Variants in DEFB123 observed in about 807,000 individuals in gnomAD.
The protein encoded by DEFB123 is beta-defensin 123.
For synonymous variants in DEFB123, 22 were observed against 28.3 expected, an observed-to-expected ratio of 0.78 and a Z score of 0.71; for missense variants, 71 against 75.0, an observed-to-expected ratio of 0.95 and a Z score of 0.20.
intron 1 of DEFB123, among the ~76,000 whole-genome samples, chr20:31,445,628 C>T (rs113312880): frequency 0.081 from 12,275 of 152,236 alleles, 596 homozygotes; most frequent in Non-Finnish European, 0.11. Flanking sequence ...CAACCTCCAC[C>T]TCCCAGGTTC....
intron 1 of DEFB123, among the ~76,000 whole-genome samples, chr20:31,441,933 A>G (rs1979474157): frequency 6.6e-6 from 1 of 152,246 alleles, no homozygotes; most frequent in Non-Finnish European, 1.5e-5. Context: ...GTGTAATAAT[A>G]TCAGGTTGAG....
intron 1 of DEFB123, among the ~76,000 whole-genome samples, chr20:31,441,788 C>T (rs2122408771): frequency 6.6e-6 from 1 of 152,258 alleles, no homozygotes; most frequent in East Asian, 1.9e-4. Context: ...ACACCACTCA[C>T]CTGGAGTAGG....
chr20:31,449,249 A>T, intron 1 of DEFB123, among the ~76,000 whole-genome samples: 1 of 148,148 alleles, frequency 6.8e-6, no homozygotes. Context: ...TTACACTTTC[A>T]GTTTCTGTAT....
At chr20:31,447,616 G>T (rs1025127824) in intron 1 of DEFB123, among the ~76,000 whole-genome samples, 39 of 144,736 alleles carry the variant, frequency 2.7e-4, no homozygotes, top group Admixed American at 1.1e-3. Flanking sequence ...TTCTGTGTTG[G>T]TTTTTTTTTT....
intron 1 of DEFB123, among the ~76,000 whole-genome samples, chr20:31,441,575 C>T (rs1252700117): frequency 6.6e-6 from 1 of 151,984 alleles, no homozygotes; most frequent in Non-Finnish European, 1.5e-5. Context: ...GGTGAGGGAC[C>T]CATGGGAAGG....
Position 31,440,644 on chromosome 20 carries a change from C to T in DEFB123, c.-55C>T. On this transcript the variant is annotated 5_prime_UTR_variant, in exon 1 of 2. Transcript: ENST00000376309. ...CCACAGGCCAGGCACTCTCCTTCTC[C>T]CATTAGCTCAGCCGTGGCATCGGAC... The T allele has an allele frequency of 6.2e-7, 1 of 1,607,580 alleles. No individual in the cohort carries two copies. The highest frequency in any genetic ancestry group is 2.2e-5 in the East Asian group (1 of 44,854).
In DEFB123 at chr20:31,440,718, C is replaced by T; in HGVS notation, c.20C>T (p.Thr7Ile). 6.2e-7 allele frequency: 1 copy of T among 1,613,824 alleles called. No individual in the cohort carries two copies. Among genetic ancestry groups the T allele is most frequent in the Non-Finnish European group, 8.5e-7 (1 of 1,180,022 alleles). The change falls in exon 1 of 2, where the codon ACT becomes ATT. Residue 7 changes from threonine to isoleucine, a missense_variant. Thr to Ile is a moderately conservative substitution (Grantham distance 89, BLOSUM62 -1). Transcript: ENST00000376309. ...TTAGCCATGAAGCTCCTTTTGCTGA[C>T]TTTGACTGTGCTGCTGCTCTTATCC... Reference protein sequence around the residue: MKLLLLTLTVLLLLSQL... With the variant: MKLLLLILTVLLLLSQL...
chr20:31,447,669 T>G (rs1256206834), intron 1 of DEFB123, among the ~76,000 whole-genome samples: 1 of 151,396 alleles, frequency 6.6e-6, no homozygotes, highest in Non-Finnish European at 1.5e-5. Context: ...TAGGGTAGAG[T>G]GCAGTGGCGT....
At chr20:31,440,789 C>T (rs1337526246) in intron 1 of DEFB123, 33 bp downstream of exon 1, 11 of 1,610,934 alleles carry the variant, frequency 6.8e-6, no homozygotes, top group Non-Finnish European at 8.5e-7. Context: ...AGGGGCAGGG[C>T]TTAGAGACTA....
At chr20:31,449,931 C>A (rs149569941) in intron 1 of DEFB123, 98 bp from the exon 2 acceptor site, 8 of 1,393,502 alleles carry the variant, frequency 5.7e-6, no homozygotes, top group Middle Eastern at 1.9e-4. Context: ...AACAAGGGAC[C>A]TTCTATCTCA....
rs559776533 is a variant in DEFB123, at chr20:31,443,255, T to C, written c.58+2499T>C. Among the ~76,000 whole-genome samples the C allele has an allele frequency of 6.0e-4, 91 of 152,226 alleles. 1 individual carries two copies. In the South Asian group the frequency reaches 0.016, roughly 27 times the overall value. On this transcript the variant is annotated intron_variant, in intron 1 of 1. Coordinates refer to ENST00000376309, the MANE Select transcript of DEFB123 (RefSeq NM_153324.4). Reference sequence around the variant, plus strand: ...CCCCAAGTTAAGGCTGTTCACACCCTCCCTTACTGCCTTCTGCACTAGGGG... The same window carrying C: ...CCCCAAGTTAAGGCTGTTCACACCCCCCCTTACTGCCTTCTGCACTAGGGG...
At chr20:31,441,592 CAGAG>C (rs905939994) in intron 1 of DEFB123, among the ~76,000 whole-genome samples, 2 of 152,100 alleles carry the variant, frequency 1.3e-5, no homozygotes, top group African/African-American at 4.8e-5. Flanking sequence ...AAGGTTTAAA[CAGAG>C]AAAGACCCTG....
intron 1 of DEFB123, among the ~76,000 whole-genome samples, chr20:31,445,912 T>A (rs531243210): frequency 6.6e-6 from 1 of 152,362 alleles, no homozygotes; most frequent in East Asian, 1.9e-4. Context: ...TTCATTACGA[T>A]CTTTATGCTT....
chr20:31,444,336 ATACTC>A (rs1340385180), intron 1 of DEFB123, among the ~76,000 whole-genome samples: 4 of 149,250 alleles, frequency 2.7e-5, no homozygotes, highest in Non-Finnish European at 5.9e-5. Context: ...AATTTTTATC[ATACTC>A]TAGTTAATCA....
chr20:31,447,776 C>T (rs1268203765), intron 1 of DEFB123, among the ~76,000 whole-genome samples: 1 of 132,372 alleles, frequency 7.6e-6, no homozygotes, highest in South Asian at 2.4e-4. Flanking sequence ...ACCAACACAC[C>T]CGGCTTTTTT....
chr20:31,450,188 T>C lies in DEFB123; in HGVS notation c.*14T>C. ...TGGCCATTTTAACTGCTTTGAAGCCTGAAGCCATGAAAATGCAGATGAAGC... is the reference window on the plus strand; with the variant it reads ...TGGCCATTTTAACTGCTTTGAAGCCCGAAGCCATGAAAATGCAGATGAAGC... On this transcript the variant is annotated 3_prime_UTR_variant, in exon 2 of 2. Coordinates refer to ENST00000376309, the MANE Select transcript of DEFB123 (RefSeq NM_153324.4). 5 of 1,591,490 alleles carry C rather than the reference T, an allele frequency of 3.1e-6. No homozygotes were observed. The highest frequency in any genetic ancestry group is 4.3e-6 in the Non-Finnish European group (5 of 1,171,632).
At chr20:31,447,034 G>A (rs953187580) in intron 1 of DEFB123, among the ~76,000 whole-genome samples, 6 of 151,490 alleles carry the variant, frequency 4.0e-5, no homozygotes, top group Admixed American at 3.3e-4. Context: ...AGGCCGAGGC[G>A]GGTGGATCAC....
chr20:31,448,040 C>T (rs1298450176), intron 1 of DEFB123, among the ~76,000 whole-genome samples: 1 of 151,998 alleles, frequency 6.6e-6, no homozygotes, highest in African/African-American at 2.4e-5. Context: ...CCCACCTTGG[C>T]CTCCCAAAGT....
At chr20:31,442,140 C>A (rs1163243191) in intron 1 of DEFB123, among the ~76,000 whole-genome samples, 2 of 152,104 alleles carry the variant, frequency 1.3e-5, no homozygotes, top group Non-Finnish European at 2.9e-5. Context: ...CACTTACAAC[C>A]CAGGGTGACA....
Sources: gnomAD v4.1 joint callset for allele counts (sites outside exome capture counted in the v4.1 genomes callset) on GRCh38, gnomAD v4.1.1 for gene constraint, MANE v1.5 for transcripts, NCBI Gene and HGNC (gene_info 2026-07-23, HGNC 2026-07-21) for gene names.